The following NRG2 variants were observed in gnomAD, a reference collection of about 807,000 sequenced individuals.
NRG2 encodes the protein neuregulin 2, also known as pro-neuregulin-2, membrane-bound isoform.
In NRG2, 27 loss-of-function variants were observed where a neutral mutation model predicts 73.9. The ratio of observed to expected loss-of-function variants is 0.37; its 90% CI spans 0.27 to 0.50. The LOEUF is 0.50. NRG2 is among the 20% of genes least tolerant of loss of function. The probability of loss-of-function intolerance (pLI) is 0.96; values close to 1 mark genes in which losing one functional copy is unlikely to be tolerated. For synonymous variants in NRG2, 532 were observed against 541.0 expected (o/e 0.98, Z 0.23); for missense variants, 1,126 against 1,210.1 (o/e 0.93, Z 1.03).
chr5:139,868,386 T>C lies in NRG2; in HGVS notation c.1113-2761A>G, dbSNP rs3777106. On this transcript the variant is annotated intron_variant, in intron 4 of 9. Coordinates refer to ENST00000361474, the MANE Select transcript of NRG2 (RefSeq NM_004883.3). This position sits in a 1 kb window ranked among gnomAD's most constrained non-coding sequence, Gnocchi z 4.2. Reference sequence around the variant, plus strand: ...CCAGGTTGGGAGTCTGAACTCAGCATTGGGGGCTGGGTGGTGGTTGGTGGT... The same window carrying C: ...CCAGGTTGGGAGTCTGAACTCAGCACTGGGGGCTGGGTGGTGGTTGGTGGT... Among the ~76,000 whole-genome samples, 24,313 of 152,004 alleles carry C rather than the reference T, an allele frequency of 0.16. 2,042 individuals are homozygous for C. Among genetic ancestry groups the C allele is most frequent in the Middle Eastern group, 0.22 (63 of 290 alleles).
chr5:139,847,769 GAAAAT>G lies in NRG2; in HGVS notation c.*143_*147del. On this transcript the variant is annotated 3_prime_UTR_variant, in exon 10 of 10. Coordinates refer to ENST00000361474, the MANE Select transcript of NRG2 (RefSeq NM_004883.3). Reference sequence around the variant, plus strand: ...ATTATAAGACAATTTTTGCTAAAATGAAAATAAAACATTTTGTTATACTTTTTTCC... The same window carrying G: ...ATTATAAGACAATTTTTGCTAAAATGAAAACATTTTGTTATACTTTTTTCC... 1.7e-6 allele frequency: 1 copy of G among 596,542 alleles called. No individual in the cohort carries two copies. The highest frequency in any genetic ancestry group is 1.9e-5 in the African/African-American group (1 of 51,564). 37.0% of individuals were successfully genotyped at this position (596,542 alleles called of 1,614,324 possible). A position where few individuals can be genotyped will look rare whatever the true frequency, so the allele number is the denominator to read the frequency against.
intron 1 of NRG2, among the ~76,000 whole-genome samples, chr5:139,902,136 G>C (rs1764927342): frequency 6.6e-6 from 1 of 152,222 alleles, no homozygotes; most frequent in Admixed American, 6.5e-5. Context: ...CCATGAGTGG[G>C]CTTATTACCC....
rs369456154 is a variant in NRG2, at chr5:139,880,579, T to C, written c.991+277A>G. On this transcript the variant is annotated intron_variant, in intron 3 of 9. Coordinates refer to ENST00000361474, the MANE Select transcript of NRG2 (RefSeq NM_004883.3). Reference sequence around the variant, plus strand: ...CTATAATTGCCTTCTAAAAATATCCTTTCCCCACCCCCACCTCTTGATTTC... The same window carrying C: ...CTATAATTGCCTTCTAAAAATATCCCTTCCCCACCCCCACCTCTTGATTTC... Among the ~76,000 whole-genome samples the C allele has an allele frequency of 1.2e-4, 18 of 152,304 alleles. No individual in the cohort carries two copies. In the East Asian group the frequency reaches 2.5e-3, roughly 21 times the overall value.
At chr5:140,042,340 T>C (rs1761996709) in intron 1 of NRG2, 30 bp downstream of exon 1, 2 of 1,044,936 alleles carry the variant, frequency 1.9e-6, no homozygotes, top group Non-Finnish European at 1.2e-6. Flanking sequence ...CCCTCCCCCC[T>C]TTCTCCAGCA....
In NRG2 at chr5:139,867,840, G is replaced by C. The variant is rs575570903; in HGVS notation, c.1113-2215C>G. On this transcript the variant is annotated intron_variant, in intron 4 of 9. Coordinates refer to ENST00000361474, the MANE Select transcript of NRG2 (RefSeq NM_004883.3). ...TGTGTGTGTGTGTGTGTGTGTGACA[G>C]AGAGAGAGAGAAAATGGGGGAGTAC... Among the ~76,000 whole-genome samples, 8 of 150,508 alleles carry C rather than the reference G, an allele frequency of 5.3e-5. No individual in the cohort carries two copies. The South Asian group carries it at 1.5e-3, about 28-fold the overall frequency.
chr5:139,985,449 C>A (rs1421418913), intron 1 of NRG2, among the ~76,000 whole-genome samples: 1 of 152,118 alleles, frequency 6.6e-6, no homozygotes, highest in Non-Finnish European at 1.5e-5. Flanking sequence ...TGGCTTCTGA[C>A]TTCCTGGGGA....
In NRG2 at chr5:139,865,093, G is replaced by T. The variant is rs745916291; in HGVS notation, c.1189+456C>A. The T allele has an allele frequency of 3.1e-5, 49 of 1,604,682 alleles. No individual in the cohort carries two copies. The highest frequency in any genetic ancestry group is 4.1e-5 in the Non-Finnish European group (48 of 1,171,576). On this transcript the variant is annotated intron_variant, in intron 5 of 9. Coordinates refer to ENST00000361474, the MANE Select transcript of NRG2 (RefSeq NM_004883.3). The surrounding 1 kb of genome is among the most constrained non-coding windows in gnomAD (Gnocchi z 5.2). Reference sequence around the variant, plus strand: ...GACTGTCAGTCACCAGGGAAGAGAAGAAATAGAAGAAAGAGACATACTGGA... The same window carrying T: ...GACTGTCAGTCACCAGGGAAGAGAATAAATAGAAGAAAGAGACATACTGGA...
At chr5:139,962,384 C>T (rs940990994) in intron 1 of NRG2, among the ~76,000 whole-genome samples, 2 of 152,266 alleles carry the variant, frequency 1.3e-5, no homozygotes, top group African/African-American at 4.8e-5. Context: ...TCAAAACTAT[C>T]GGGACAGAAC....
At position 139,904,200 on chromosome 5, in the gene NRG2, G is replaced by A. The variant is rs1581909543; in HGVS notation, c.701-16689C>T. ...CGCCCTCGGTGCCTGTCACCGCGGC[G>A]GCCGCTAGCGCAGCCTAGACTCACC... On this transcript the variant is annotated intron_variant, in intron 1 of 9. Transcript: ENST00000361474. The surrounding 1 kb of genome is among the most constrained non-coding windows in gnomAD (Gnocchi z 6.0). 1 of 1,165,746 alleles carries A rather than the reference G, an allele frequency of 8.6e-7. No individual in the cohort carries two copies. Among genetic ancestry groups the A allele is most frequent in the African/African-American group, 1.6e-5 (1 of 61,974 alleles). The allele number at this position is 1,165,746 out of a possible 1,614,324, so 72.2% of individuals were successfully genotyped here. A position where few individuals can be genotyped will look rare whatever the true frequency, so the allele number is the denominator to read the frequency against.
chr5:140,033,980 A>G (rs1836052), intron 1 of NRG2, among the ~76,000 whole-genome samples: 322 of 149,648 alleles, frequency 2.2e-3, no homozygotes, highest in African/African-American at 7.7e-3. Flanking sequence ...TTTTTTTGAC[A>G]TGGAGTCTCG....
At chr5:139,900,267 TC>T (rs1445955189) in intron 1 of NRG2, among the ~76,000 whole-genome samples, 1 of 152,248 alleles carries the variant, frequency 6.6e-6, no homozygotes, top group East Asian at 1.9e-4. Flanking sequence ...GATCTGTCTC[TC>T]TGAGCTTCCT....
chr5:139,900,362 C>T (rs1462795232), intron 1 of NRG2, among the ~76,000 whole-genome samples: 2 of 152,176 alleles, frequency 1.3e-5, no homozygotes, highest in Non-Finnish European at 2.9e-5. Flanking sequence ...AGTGAACGTA[C>T]ATGTAGTTTA....
chr5:139,923,529 C>G (rs1052903204), intron 1 of NRG2, among the ~76,000 whole-genome samples: 1 of 152,186 alleles, frequency 6.6e-6, no homozygotes, highest in African/African-American at 2.4e-5. Context: ...GACATTTCCT[C>G]TCTCACTCTG....
In NRG2 at chr5:139,856,866, G is replaced by A. The variant is rs1454000655; in HGVS notation, c.1190-1088C>T. 1.3e-5 allele frequency among the ~76,000 whole-genome samples: 2 copies of A among 151,976 alleles called. No homozygotes were observed. The highest frequency in any genetic ancestry group is 2.4e-5 in the African/African-American group (1 of 41,358). On this transcript the variant is annotated intron_variant, in intron 5 of 9. Coordinates refer to ENST00000361474, the MANE Select transcript of NRG2 (RefSeq NM_004883.3). The surrounding 1 kb of genome is among the most constrained non-coding windows in gnomAD (Gnocchi z 4.2). ...ACTCCAGCAACAGGTGCACACACAC[G>A]CCCATGCCCACTGACACACAGTTGG...
Position 140,008,926 on chromosome 5 carries a change from C to T in NRG2, c.700+33444G>A, listed in dbSNP as rs1759138935. Among the ~76,000 whole-genome samples the T allele has an allele frequency of 6.6e-6, 1 of 152,176 alleles. No individual in the cohort carries two copies. The highest frequency in any genetic ancestry group is 2.4e-5 in the African/African-American group (1 of 41,430). On this transcript the variant is annotated intron_variant, in intron 1 of 9. Transcript: ENST00000361474. The surrounding 1 kb of genome is among the most constrained non-coding windows in gnomAD (Gnocchi z 4.2). ...AAAAATGGGATAATAGCAATAGAAC[C>T]AACCTCCCAGGGTTGTTGCAAGGAC...
intron 1 of NRG2, among the ~76,000 whole-genome samples, chr5:139,971,840 A>G (rs1416662845): frequency 2.6e-5 from 4 of 152,336 alleles, no homozygotes; most frequent in South Asian, 4.1e-4. Context: ...GGTAACCTCT[A>G]CATTTAACAG....
intron 1 of NRG2, among the ~76,000 whole-genome samples, chr5:140,000,523 G>A (rs1758368845): frequency 1.3e-5 from 2 of 152,250 alleles, no homozygotes; most frequent in Admixed American, 1.3e-4. Context: ...GTAGGCGTGA[G>A]AACCCATCAG....
chr5:139,930,763 T>A (rs1218386656), intron 1 of NRG2, among the ~76,000 whole-genome samples: 1 of 152,194 alleles, frequency 6.6e-6, no homozygotes, highest in East Asian at 1.9e-4. Context: ...CAGCAGCCCA[T>A]GGGTGGATCC....
At chr5:140,021,926 T>C (rs1329929479) in intron 1 of NRG2, among the ~76,000 whole-genome samples, 1 of 151,878 alleles carries the variant, frequency 6.6e-6, no homozygotes, top group Non-Finnish European at 1.5e-5. Context: ...CCTCCAGGAG[T>C]CCTCTGCCCT....
Sources: gnomAD v4.1 joint callset for allele counts (sites outside exome capture counted in the v4.1 genomes callset) on GRCh38, gnomAD v4.1.1 for gene constraint, Gnocchi (gnomAD v3.1) non-coding constraint, MANE v1.5 for transcripts, NCBI Gene and HGNC (gene_info 2026-07-23, HGNC 2026-07-21) for gene names.